SULT2B1: variants seen among roughly 807,000 people sequenced by gnomAD.
SULT2B1 encodes sulfotransferase family 2B member 1, also known as sulfotransferase 2B1.
In SULT2B1, 16 loss-of-function variants were observed where a neutral mutation model predicts 33.2. That is an observed-to-expected ratio of 0.48 (90% confidence interval 0.33 to 0.73). The LOEUF (loss-of-function observed/expected upper bound fraction) is 0.73. Ranked by LOEUF, SULT2B1 falls within the 30% of genes least tolerant of loss-of-function variation. SULT2B1 has a pLI of 0.02. For missense variants in SULT2B1, 500 were observed against 506.0 expected, an observed-to-expected ratio of 0.99 and a Z score of 0.11; for synonymous variants, 186 against 200.5, an observed-to-expected ratio of 0.93 and a Z score of 0.61.
chr19:48,593,761 A>T (rs1973674586), intron 5 of SULT2B1, among the ~76,000 whole-genome samples: 1 of 149,576 alleles, frequency 6.7e-6, no homozygotes. Context: ...CAGCCTCCCA[A>T]GCAGCTGGGA....
At chr19:48,582,494 GTC>G (rs1200342776) in intron 2 of SULT2B1, among the ~76,000 whole-genome samples, 1 of 152,148 alleles carries the variant, frequency 6.6e-6, no homozygotes, top group Non-Finnish European at 1.5e-5. Flanking sequence ...CTTGGTCAGA[GTC>G]TGTACATTTG....
At chr19:48,584,069 G>C (rs1221910040) in intron 2 of SULT2B1, among the ~76,000 whole-genome samples, 1 of 152,126 alleles carries the variant, frequency 6.6e-6, no homozygotes, top group Non-Finnish European at 1.5e-5. Context: ...CTGAGATCGC[G>C]CCACTGCACT....
intron 1 of SULT2B1, among the ~76,000 whole-genome samples, chr19:48,557,452 GT>G (rs1172270130): frequency 1.3e-5 from 2 of 151,170 alleles, no homozygotes; most frequent in Non-Finnish European, 3.0e-5. Flanking sequence ...AGGCAGGAGA[GT>G]TGCTTGAACC....
At chr19:48,576,204 C>T (rs1003038798) in intron 2 of SULT2B1, 121 bp downstream of exon 2, 12 of 892,960 alleles carry the variant, frequency 1.3e-5, no homozygotes, top group African/African-American at 9.9e-5. Context: ...CTGTTCAGAG[C>T]GGTGCCCCTG....
At chr19:48,569,057 T>A (rs1601092863) in intron 1 of SULT2B1, among the ~76,000 whole-genome samples, 2 of 152,060 alleles carry the variant, frequency 1.3e-5, no homozygotes, top group Admixed American at 1.3e-4. Context: ...TTAGATAAAT[T>A]TTAGGCTGGG....
At position 48,588,672 on chromosome 19, in the gene SULT2B1, G is replaced by A. The variant is rs139710098; in HGVS notation, c.423+1235G>A. On this transcript the variant is annotated intron_variant, in intron 3 of 6. Coordinates refer to ENST00000201586, the MANE Select transcript of SULT2B1 (RefSeq NM_177973.2). ...CTGATGGGATAAATTTACATTGGGG[G>A]GAGAGGGCTGGAGATAGAGTTAGAG... is the stretch of plus-strand genomic sequence containing the variant. Among the ~76,000 whole-genome samples, 541 of 151,820 alleles carry A rather than the reference G, an allele frequency of 3.6e-3. 3 individuals are homozygous for A. The highest frequency in any genetic ancestry group is 0.012 in the African/African-American group (508 of 41,390).
intron 1 of SULT2B1, among the ~76,000 whole-genome samples, chr19:48,572,747 G>T (rs887615650): frequency 1.3e-5 from 2 of 152,028 alleles, no homozygotes; most frequent in African/African-American, 2.4e-5. Context: ...TGAGTCGAGG[G>T]CCCACAGGGA....
At chr19:48,589,550 G>A (rs1306907540) in intron 3 of SULT2B1, among the ~76,000 whole-genome samples, 1 of 152,192 alleles carries the variant, frequency 6.6e-6, no homozygotes. Flanking sequence ...AGGGGGGGCT[G>A]CAATCAGGAA....
intron 3 of SULT2B1, among the ~76,000 whole-genome samples, chr19:48,589,684 G>A (rs1022911458): frequency 1.3e-5 from 2 of 152,186 alleles, no homozygotes; most frequent in South Asian, 4.1e-4. Context: ...CAAGGGGGCC[G>A]GGCGCGGTGG....
At position 48,568,966 on chromosome 19, in the gene SULT2B1, G is replaced by A. The variant is rs540486063; in HGVS notation, c.72-6975G>A. Reference sequence around the variant, plus strand: ...TACCTTCAGTCTTTGCTCAGATGTCGAGTTCCCAGAGGGGCCTCCCTGACG... The same window carrying A: ...TACCTTCAGTCTTTGCTCAGATGTCAAGTTCCCAGAGGGGCCTCCCTGACG... On this transcript the variant is annotated intron_variant, in intron 1 of 6. Coordinates refer to ENST00000201586, the MANE Select transcript of SULT2B1 (RefSeq NM_177973.2). 2.6e-5 allele frequency among the ~76,000 whole-genome samples: 4 copies of A among 152,230 alleles called. No homozygotes were observed. In the East Asian group the frequency reaches 7.7e-4, roughly 29 times the overall value.
In SULT2B1 at chr19:48,558,446, G is replaced by A. The variant is rs1403193949; in HGVS notation, c.71+6123G>A. Reference sequence around the variant, plus strand: ...CCGGCCTTTGGACCTGGGGCGCCTCGGGCAGCCAAGGAGAGCTGCGGTGGC... The same window carrying A: ...CCGGCCTTTGGACCTGGGGCGCCTCAGGCAGCCAAGGAGAGCTGCGGTGGC... On this transcript the variant is annotated intron_variant, in intron 1 of 6. Transcript: ENST00000201586. 2.6e-5 allele frequency among the ~76,000 whole-genome samples: 4 copies of A among 152,206 alleles called. No homozygotes were observed. In the East Asian group the frequency reaches 7.8e-4, roughly 30 times the overall value.
At chr19:48,578,681 A>T (rs1973445431) in intron 2 of SULT2B1, among the ~76,000 whole-genome samples, 1 of 152,060 alleles carries the variant, frequency 6.6e-6, no homozygotes, top group African/African-American at 2.4e-5. Context: ...GTTCGAGACC[A>T]GTCTGGCCAA....
At chr19:48,589,854 G>C (rs1973619995) in intron 3 of SULT2B1, among the ~76,000 whole-genome samples, 1 of 152,210 alleles carries the variant, frequency 6.6e-6, no homozygotes, top group Non-Finnish European at 1.5e-5. Context: ...CAGCTACTTG[G>C]GAGGCTGAGG....
intron 2 of SULT2B1, among the ~76,000 whole-genome samples, chr19:48,581,029 CTTTTTTTT>C (rs57093444): frequency 3.2e-4 from 21 of 65,088 alleles, no homozygotes; most frequent in South Asian, 6.8e-4. Flanking sequence ...ATATATATTC[CTTTTTTTT>C]TTTTTTTTTT....
intron 1 of SULT2B1, chr19:48,575,674 T>C: frequency 3.0e-6 from 1 of 332,940 alleles, no homozygotes; most frequent in Non-Finnish European, 5.3e-6. Flanking sequence ...AGGGGCGGGG[T>C]TTCACCATGT....
chr19:48,553,393 C>T (rs547177679), intron 1 of SULT2B1, among the ~76,000 whole-genome samples: 22 of 152,278 alleles, frequency 1.4e-4, no homozygotes, highest in African/African-American at 1.9e-4. Flanking sequence ...CTGCAGCCTC[C>T]GCGTCCTGGG....
intron 3 of SULT2B1, 32 bp downstream of exon 3, chr19:48,587,469 G>A: frequency 6.2e-7 from 1 of 1,610,336 alleles, no homozygotes. Context: ...CAGTTGGGAG[G>A]GGCTGCATGG....
chr19:48,562,823 G>A (rs1025286720), intron 1 of SULT2B1, among the ~76,000 whole-genome samples: 15 of 152,052 alleles, frequency 9.9e-5, no homozygotes, highest in African/African-American at 3.4e-4. Flanking sequence ...GGGATTACAG[G>A]CATGTACCAC....
intron 2 of SULT2B1, among the ~76,000 whole-genome samples, chr19:48,584,385 A>G (rs1482354405): frequency 6.6e-6 from 1 of 152,200 alleles, no homozygotes; most frequent in Non-Finnish European, 1.5e-5. Flanking sequence ...GCCCCTGTCC[A>G]TCACAAGATC....
Sources: gnomAD v4.1 joint callset for allele counts (sites outside exome capture counted in the v4.1 genomes callset) on GRCh38, gnomAD v4.1.1 for gene constraint, MANE v1.5 for transcripts, NCBI Gene and HGNC (gene_info 2026-07-23, HGNC 2026-07-21) for gene names.